TCEANC2: variants seen among roughly 807,000 people sequenced by gnomAD.
TCEANC2 encodes the protein transcription elongation factor A N-terminal and central domain containing 2.
In TCEANC2, 20 loss-of-function variants were observed where a neutral mutation model predicts 22.8. That is an observed-to-expected ratio of 0.88 (90% confidence interval 0.62 to 1.28). The LOEUF (loss-of-function observed/expected upper bound fraction) is 1.28, where lower values mean the gene tolerates loss of function less well. Ranked by LOEUF, TCEANC2 falls within the 50% of genes most tolerant of loss-of-function variation. TCEANC2 has a pLI of 0.00. For missense variants in TCEANC2, 251 were observed against 249.7 expected (o/e 1.01, Z -0.03); for synonymous variants, 84 against 95.5 (o/e 0.88, Z 0.70).
chr1:54,075,236 A>G (rs1658125832), intron 3 of TCEANC2, among the ~76,000 whole-genome samples: 1 of 152,248 alleles, frequency 6.6e-6, no homozygotes, highest in Non-Finnish European at 1.5e-5. Context: ...TCAGGTGTAT[A>G]ATAATGATTG....
At chr1:54,095,638 C>T (rs1336703765) in intron 4 of TCEANC2, among the ~76,000 whole-genome samples, 1 of 152,156 alleles carries the variant, frequency 6.6e-6, no homozygotes, top group Non-Finnish European at 1.5e-5. Flanking sequence ...AAACTGTAGG[C>T]GTCTCTCCAA....
At position 54,088,614 on chromosome 1, in the gene TCEANC2, A is replaced by G. The variant is rs774445232; in HGVS notation, c.262A>G (p.Met88Val). The change falls in exon 4 of 5, where the codon ATG becomes GTG. Residue 88 changes from methionine to valine, a missense_variant. By Grantham distance (21) the Met-to-Val change is conservative (BLOSUM62 1). Transcript: ENST00000234827. ...TGTTCCAGGTCACACTGTGAACAAG[A>G]TGCGTAAACACTCAGATTCAGAAGT... ...STRIGHTVNK[M>V]RKHSDSEVAS... 1 of 1,602,310 alleles carries G rather than the reference A, an allele frequency of 6.2e-7. No homozygotes were observed. Among genetic ancestry groups the G allele is most frequent in the South Asian group, 1.1e-5 (1 of 88,630 alleles).
Position 54,069,139 on chromosome 1 carries a change from C to G in TCEANC2, c.244+242C>G, listed in dbSNP as rs1389314171. 2.6e-5 allele frequency among the ~76,000 whole-genome samples: 4 copies of G among 152,232 alleles called. No individual in the cohort carries two copies. The East Asian group carries it at 7.7e-4, about 29-fold the overall frequency. On this transcript the variant is annotated intron_variant, in intron 3 of 4. Coordinates refer to ENST00000234827, the MANE Select transcript of TCEANC2 (RefSeq NM_153035.3). The stretch of plus-strand genomic sequence containing the variant: ...AAGCCCCAGTTTTTAAAATTAGATT[C>G]AACAGATATAGGATTACTCTTGTCA...
intron 2 of TCEANC2, among the ~76,000 whole-genome samples, chr1:54,061,729 C>T (rs1019131769): frequency 4.0e-5 from 6 of 151,418 alleles, no homozygotes; most frequent in Non-Finnish European, 8.8e-5. Context: ...CATAGTCTGT[C>T]CCCTATAGAT....
chr1:54,073,242 G>C (rs1281856427), intron 3 of TCEANC2, among the ~76,000 whole-genome samples: 2 of 152,222 alleles, frequency 1.3e-5, no homozygotes, highest in African/African-American at 2.4e-5. Flanking sequence ...GCTGGGATGA[G>C]AGGCATGAGC....
chr1:54,064,979 T>C (rs1005329442), intron 2 of TCEANC2, among the ~76,000 whole-genome samples: 2 of 152,140 alleles, frequency 1.3e-5, no homozygotes, highest in Non-Finnish European at 2.9e-5. Context: ...GGATTACAGG[T>C]GTGAGCCACT....
intron 2 of TCEANC2, among the ~76,000 whole-genome samples, chr1:54,058,757 A>G (rs2100353365): frequency 6.6e-6 from 1 of 152,252 alleles, no homozygotes; most frequent in East Asian, 1.9e-4. Context: ...CCTGGGTTGA[A>G]GCGATTCTCC....
At chr1:54,060,552 G>C (rs1359308880) in intron 2 of TCEANC2, among the ~76,000 whole-genome samples, 1 of 152,022 alleles carries the variant, frequency 6.6e-6, no homozygotes, top group Non-Finnish European at 1.5e-5. Context: ...CTGGGCAACA[G>C]AGCAAGACCC....
rs200912347 is a variant in TCEANC2, at chr1:54,054,568, T to G, written c.102+44T>G. 5.2e-5 allele frequency: 82 copies of G among 1,567,286 alleles called. No homozygotes were observed. In the East Asian group the frequency reaches 1.8e-3, roughly 35 times the overall value. On this transcript the variant is annotated intron_variant, in intron 2 of 4. Coordinates refer to ENST00000234827, the MANE Select transcript of TCEANC2 (RefSeq NM_153035.3). Reference sequence around the variant, plus strand: ...CTAGAGGAAATGTGCAAAGGACTGATAGCAAGGTGGTGCTAGAGGTTCTGT... The same window carrying G: ...CTAGAGGAAATGTGCAAAGGACTGAGAGCAAGGTGGTGCTAGAGGTTCTGT...
chr1:54,057,068 G>A (rs1657764713), intron 2 of TCEANC2, among the ~76,000 whole-genome samples: 1 of 151,196 alleles, frequency 6.6e-6, no homozygotes, highest in African/African-American at 2.4e-5. Context: ...AAAACAAAAG[G>A]CATATTTAAT....
In TCEANC2 at chr1:54,096,247, A is replaced by T; in HGVS notation, c.439-38A>T. 6.4e-7 allele frequency: 1 copy of T among 1,565,502 alleles called. No homozygotes were observed. The highest frequency in any genetic ancestry group is 8.7e-7 in the Non-Finnish European group (1 of 1,145,706). Reference sequence around the variant, plus strand: ...CTCTCTTGCTTTTAATCCTTACGCAATGTAAGGCTCTAATTTGATAATTTT... The same window carrying T: ...CTCTCTTGCTTTTAATCCTTACGCATTGTAAGGCTCTAATTTGATAATTTT... On this transcript the variant is annotated intron_variant, in intron 4 of 4. Transcript: ENST00000234827. The surrounding 1 kb of genome is among the most constrained non-coding windows in gnomAD (Gnocchi z 4.9).
Position 54,096,205 on chromosome 1 carries a change from G to C in TCEANC2, c.439-80G>C. On this transcript the variant is annotated intron_variant, in intron 4 of 4. Transcript: ENST00000234827. This position sits in a 1 kb window ranked among gnomAD's most constrained non-coding sequence, Gnocchi z 4.9. ...TTTCAGTTGATTAATGGAGGCCTCTGAGCAGAGTGCTCCAGCCTCTCTTGC... is the reference window on the plus strand; with the variant it reads ...TTTCAGTTGATTAATGGAGGCCTCTCAGCAGAGTGCTCCAGCCTCTCTTGC... The C allele has an allele frequency of 6.7e-7, 1 of 1,500,534 alleles. No homozygotes were observed. The highest frequency in any genetic ancestry group is 9.0e-7 in the Non-Finnish European group (1 of 1,116,124). 93.0% of individuals were successfully genotyped at this position (1,500,534 alleles called of 1,614,324 possible).
rs59118907 is a variant in TCEANC2 at position 54,056,317 on chromosome 1, CT to C, written c.102+1802del. Among the ~76,000 whole-genome samples the C allele has an allele frequency of 1.9e-3, 284 of 148,806 alleles. 4 individuals are homozygous for C. Among genetic ancestry groups the C allele is most frequent in the African/African-American group, 6.7e-3 (265 of 39,536 alleles). ...ATATTCTTTTCTTTTCTTTTCTTTTCTTTTTTTTTGAGACGGAGTTTTGCAC... is the reference window on the plus strand; with the variant it reads ...ATATTCTTTTCTTTTCTTTTCTTTTCTTTTTTTTGAGACGGAGTTTTGCAC... On this transcript the variant is annotated intron_variant, in intron 2 of 4. Transcript: ENST00000234827.
intron 2 of TCEANC2, among the ~76,000 whole-genome samples, chr1:54,065,768 A>G (rs1039253481): frequency 6.6e-6 from 1 of 151,270 alleles, no homozygotes; most frequent in Non-Finnish European, 1.5e-5. Flanking sequence ...ATAATAAGTA[A>G]CTTCCAAACC....
chr1:54,080,888 T>C (rs1212715421), intron 3 of TCEANC2, among the ~76,000 whole-genome samples: 1 of 152,224 alleles, frequency 6.6e-6, no homozygotes, highest in Non-Finnish European at 1.5e-5. Context: ...ATAATGACTT[T>C]TTGCAGATCA....
intron 2 of TCEANC2, among the ~76,000 whole-genome samples, chr1:54,065,595 G>A (rs1657939487): frequency 6.6e-6 from 1 of 152,048 alleles, no homozygotes; most frequent in Non-Finnish European, 1.5e-5. Context: ...TGGCCCACCT[G>A]TGGTCCCAGC....
chr1:54,096,553 G>C lies in TCEANC2; in HGVS notation c.*80G>C. 6.6e-7 allele frequency: 1 copy of C among 1,506,766 alleles called. No homozygotes were observed. Among genetic ancestry groups the C allele is most frequent in the Non-Finnish European group, 8.9e-7 (1 of 1,122,456 alleles). The allele number at this position is 1,506,766 out of a possible 1,614,324, so 93.3% of individuals were successfully genotyped here. A position where few individuals can be genotyped will look rare whatever the true frequency, so the allele number is the denominator to read the frequency against. ...GCCGTTCAAAGACGCTTTTGAGTTTGGGTGATGGCTGATGCTGGCTGTGCT... is the reference window on the plus strand; with the variant it reads ...GCCGTTCAAAGACGCTTTTGAGTTTCGGTGATGGCTGATGCTGGCTGTGCT... On this transcript the variant is annotated 3_prime_UTR_variant, in exon 5 of 5. Coordinates refer to ENST00000234827, the MANE Select transcript of TCEANC2 (RefSeq NM_153035.3). The surrounding 1 kb of genome is among the most constrained non-coding windows in gnomAD (Gnocchi z 4.9).
rs1658675740 is a variant in TCEANC2, at chr1:54,102,278, T to C, written c.*5805T>C. On this transcript the variant is annotated 3_prime_UTR_variant, in exon 5 of 5. Coordinates refer to ENST00000234827, the MANE Select transcript of TCEANC2 (RefSeq NM_153035.3). The stretch of plus-strand genomic sequence containing the variant: ...GGCAGAGCCCAAAGTACCCGAGGTA[T>C]CTGTGGTGGGAACAGATGCCTGTGA... 6.6e-6 allele frequency: 1 copy of C among 152,254 alleles called. No individual in the cohort carries two copies. The highest frequency in any genetic ancestry group is 6.5e-5 in the Admixed American group (1 of 15,276). 9.4% of individuals were successfully genotyped at this position (152,254 alleles called of 1,614,324 possible).
Position 54,096,691 on chromosome 1 carries a change from A to G in TCEANC2, c.*218A>G. On this transcript the variant is annotated 3_prime_UTR_variant, in exon 5 of 5. Transcript: ENST00000234827. The surrounding 1 kb of genome is among the most constrained non-coding windows in gnomAD (Gnocchi z 4.9). ...CAGTGCGCTGGTGCTGCCTAACAGAACGCACACTGGCTGTCACTAGGAAGC... is the reference window on the plus strand; with the variant it reads ...CAGTGCGCTGGTGCTGCCTAACAGAGCGCACACTGGCTGTCACTAGGAAGC... The G allele has an allele frequency of 1.6e-6, 2 of 1,237,930 alleles. No homozygotes were observed. Among genetic ancestry groups the G allele is most frequent in the Non-Finnish European group, 2.1e-6 (2 of 967,746 alleles). 76.7% of individuals were successfully genotyped at this position (1,237,930 alleles called of 1,614,324 possible).
Sources: allele counts gnomAD v4.1 joint callset (sites outside exome capture counted in the v4.1 genomes callset), GRCh38; gene constraint gnomAD v4.1.1; non-coding constraint Gnocchi (gnomAD v3.1); transcripts MANE v1.5; gene names NCBI Gene and HGNC (gene_info 2026-07-23, HGNC 2026-07-21).